The following DCHS2 variants were observed in gnomAD, a reference collection of about 807,000 sequenced individuals.
DCHS2 encodes the protein dachsous cadherin-related 2.
Under a neutral mutation model 182.4 loss-of-function variants are expected in DCHS2, and 142 were observed. The ratio of observed to expected loss-of-function variants is 0.78; its 90% CI spans 0.68 to 0.89. The LOEUF is 0.89. Ranked by LOEUF, DCHS2 falls within the 40% of genes least tolerant of loss-of-function variation. The probability of loss-of-function intolerance (pLI) is 0.00; values close to 1 mark genes in which losing one functional copy is unlikely to be tolerated. For missense variants in DCHS2, 4,319 were observed against 4,198.6 expected (o/e 1.03, Z -0.79); for synonymous variants, 1,740 against 1,663.3 (o/e 1.05, Z -1.12).
intron 1 of DCHS2, among the ~76,000 whole-genome samples, chr4:154,483,867 T>C (rs993566231): frequency 6.6e-6 from 1 of 152,198 alleles, no homozygotes; most frequent in African/African-American, 2.4e-5. Context: ...CTTCTCCCAT[T>C]ATCCTGACAC....
At chr4:154,401,266 T>C (rs564066632) in intron 1 of DCHS2, among the ~76,000 whole-genome samples, 5 of 152,356 alleles carry the variant, frequency 3.3e-5, no homozygotes, top group Non-Finnish European at 7.3e-5. Flanking sequence ...ATAATTTATT[T>C]ATCCATTCAC....
chr4:154,452,865 A>G (rs1734596473), intron 1 of DCHS2, among the ~76,000 whole-genome samples: 1 of 152,210 alleles, frequency 6.6e-6, no homozygotes, highest in African/African-American at 2.4e-5. Context: ...TTTATTTGAC[A>G]ATCACAAAAG....
At chr4:154,272,701 T>C (rs1733655581) in intron 13 of DCHS2, among the ~76,000 whole-genome samples, 1 of 152,162 alleles carries the variant, frequency 6.6e-6, no homozygotes, top group South Asian at 2.1e-4. Flanking sequence ...CCTCTTTCCT[T>C]TGTAAGTTAC....
chr4:154,338,030 T>C (rs1439590750), intron 3 of DCHS2, among the ~76,000 whole-genome samples: 1 of 152,124 alleles, frequency 6.6e-6, no homozygotes, highest in East Asian at 1.9e-4. Context: ...GCCACTGCAC[T>C]TGGCCTCTAG....
At chr4:154,276,957 A>T (rs907500125) in intron 13 of DCHS2, among the ~76,000 whole-genome samples, 2 of 152,218 alleles carry the variant, frequency 1.3e-5, no homozygotes, top group East Asian at 3.8e-4. Context: ...TGAAAATTTG[A>T]TTTGCAATAA....
At chr4:154,292,932 G>C (rs1415933022) in intron 13 of DCHS2, among the ~76,000 whole-genome samples, 1 of 152,144 alleles carries the variant, frequency 6.6e-6, no homozygotes, top group Non-Finnish European at 1.5e-5. Context: ...TCTTAAATGT[G>C]CCACTTTCTT....
chr4:154,289,523 C>T (rs763855817), intron 13 of DCHS2, among the ~76,000 whole-genome samples: 1 of 151,892 alleles, frequency 6.6e-6, no homozygotes, highest in Non-Finnish European at 1.5e-5. Context: ...GAAGAACTAA[C>T]ACCTATCACA....
chr4:154,264,516 A>G (rs553947245), intron 14 of DCHS2, among the ~76,000 whole-genome samples: 30 of 152,326 alleles, frequency 2.0e-4, no homozygotes, highest in African/African-American at 7.0e-4. Context: ...AGAGAGTCAC[A>G]TAGCCCAACA....
At chr4:154,271,860 T>C (rs1201772543) in intron 13 of DCHS2, among the ~76,000 whole-genome samples, 2 of 152,158 alleles carry the variant, frequency 1.3e-5, no homozygotes, top group Non-Finnish European at 2.9e-5. Context: ...ATCATAAGCA[T>C]AAAATATTTT....
At chr4:154,328,833 G>A (rs75928836) in intron 6 of DCHS2, among the ~76,000 whole-genome samples, 3,628 of 152,200 alleles carry the variant, frequency 0.024, 63 homozygotes, top group African/African-American at 0.048. Flanking sequence ...CTTTTGTTGA[G>A]TTGTTCAATA....
In DCHS2 at chr4:154,297,718, C is replaced by T. The variant is rs1013339090; in HGVS notation, c.6463+133G>A. The T allele has an allele frequency of 5.0e-6, 7 of 1,390,024 alleles. No homozygotes were observed. The African/African-American group carries it at 7.3e-5, about 14-fold the overall frequency. The allele number at this position is 1,390,024 out of a possible 1,614,324, so 86.1% of individuals were successfully genotyped here. ...AGGTTCCACTTAACCATGTTTATTC[C>T]AATATCAAGAACAGGCATTGAACTA... On this transcript the variant is annotated intron_variant, in intron 13 of 19. Coordinates refer to ENST00000357232, the MANE Select transcript of DCHS2 (RefSeq NM_001358235.2).
intron 1 of DCHS2, among the ~76,000 whole-genome samples, chr4:154,409,499 A>T (rs10007868): frequency 6.6e-6 from 1 of 152,126 alleles, no homozygotes; most frequent in Non-Finnish European, 1.5e-5. Context: ...TCTGTCCCCA[A>T]GGGTCAGCTA....
chr4:154,254,989 C>T (rs1732580639), intron 16 of DCHS2, among the ~76,000 whole-genome samples: 1 of 152,100 alleles, frequency 6.6e-6, no homozygotes, highest in African/African-American at 2.4e-5. Flanking sequence ...CTGTATAAGG[C>T]TGGCATATCT....
chr4:154,479,755 C>T (rs1735846988), intron 1 of DCHS2, among the ~76,000 whole-genome samples: 1 of 152,116 alleles, frequency 6.6e-6, no homozygotes. Flanking sequence ...TTAATGCCAG[C>T]AAGCAAATTA....
chr4:154,489,500 C>T lies in DCHS2; in HGVS notation c.1856G>A (p.Arg619Gln), dbSNP rs1195781002. 10 of 1,551,660 alleles carry T rather than the reference C, an allele frequency of 6.4e-6. No individual in the cohort carries two copies. In the South Asian group the frequency reaches 7.1e-5, roughly 11 times the overall value. The change falls in exon 1 of 20, where the codon CGG becomes CAG. Residue 619 changes from arginine to glutamine, a missense_variant. Coordinates refer to ENST00000357232, the MANE Select transcript of DCHS2 (RefSeq NM_001358235.2). ...CTCCTGGACCTCTCGGTCTAGAGTC[C>T]GGATAGTGCTGATCGCACCGCTTTC... The part of the protein sequence containing the change: ...DSESGAISTI[R>Q]TLDREVQEAV...
chr4:154,255,804 C>T (rs1279180540), intron 15 of DCHS2, 134 bp from the exon 16 acceptor site: 4 of 1,325,826 alleles, frequency 3.0e-6, no homozygotes, highest in African/African-American at 1.5e-5. Context: ...AAATGAAATA[C>T]CAACAGACAA....
At chr4:154,273,414 C>T (rs1350780044) in intron 13 of DCHS2, among the ~76,000 whole-genome samples, 1 of 151,950 alleles carries the variant, frequency 6.6e-6, no homozygotes, top group East Asian at 1.9e-4. Flanking sequence ...TAAGAGGATG[C>T]AAAGGCATAA....
intron 3 of DCHS2, among the ~76,000 whole-genome samples, chr4:154,354,489 G>A (rs2110735017): frequency 6.6e-6 from 1 of 152,226 alleles, no homozygotes; most frequent in African/African-American, 2.4e-5. Flanking sequence ...TTCTTGTCCT[G>A]TAAAATATCC....
chr4:154,463,692 T>TTTTTTCTCTCTCTCTC (rs1011716388), intron 1 of DCHS2, among the ~76,000 whole-genome samples: 7 of 145,266 alleles, frequency 4.8e-5, no homozygotes, highest in African/African-American at 1.8e-4. Flanking sequence ...ATTCTCTCTT[T>TTTTTTCTCTCTCTCTC]TCTCTCTCTC....
Sources: allele counts gnomAD v4.1 joint callset (sites outside exome capture counted in the v4.1 genomes callset), GRCh38; gene constraint gnomAD v4.1.1; transcripts MANE v1.5; gene names NCBI Gene and HGNC (gene_info 2026-07-23, HGNC 2026-07-21).